The following LARP4 variants were observed in gnomAD, a reference collection of about 807,000 sequenced individuals.
LARP4 encodes the protein La ribonucleoprotein 4, also known as la-related protein 4.
A neutral mutation model predicts 92.9 loss-of-function variants in LARP4; 29 were observed. The observed-to-expected ratio is 0.31, with a 90% confidence interval of 0.23 to 0.43. The LOEUF is 0.43. LARP4 is among the 20% of genes least tolerant of loss of function. The pLI is 1.00. For synonymous variants in LARP4, 279 were observed against 284.1 expected (o/e 0.98, Z 0.18); for missense variants, 732 against 860.0 (o/e 0.85, Z 1.86).
intron 4 of LARP4, among the ~76,000 whole-genome samples, chr12:50,432,860 CAAAAAAAAA>C (rs10660517): frequency 2.4e-5 from 3 of 124,452 alleles, no homozygotes; most frequent in African/African-American, 6.3e-5. Context: ...GACTTCGTTT[CAAAAAAAAA>C]AAAAAAAAGA....
At chr12:50,432,124 C>T (rs975533452) in intron 4 of LARP4, among the ~76,000 whole-genome samples, 2 of 152,102 alleles carry the variant, frequency 1.3e-5, no homozygotes, top group Non-Finnish European at 2.9e-5. Context: ...TGAATTTTAC[C>T]TACTAACTAG....
chr12:50,462,547 A>T, intron 11 of LARP4, 35 bp from the exon 12 acceptor site: 1 of 665,050 alleles, frequency 1.5e-6, no homozygotes, highest in Non-Finnish European at 2.7e-6. Flanking sequence ...TTGTCCCTCC[A>T]CCCCACCCCA....
At chr12:50,471,564 C>T (rs374980173) in intron 13 of LARP4, among the ~76,000 whole-genome samples, 128 of 152,282 alleles carry the variant, frequency 8.4e-4, no homozygotes, top group African/African-American at 2.6e-3. Flanking sequence ...CGCTCTGTCG[C>T]GCAGGCTGGA....
chr12:50,462,608 G>T lies in LARP4; in HGVS notation c.1361G>T (p.Arg454Leu), dbSNP rs375470659. ...AGAACTCTCTTCAGAGGTCGAAGAC[G>T]ACGAGAAGATGACAGGATCTCAGTA... The part of the protein sequence containing the change: ...GRRTLFRGRR[R>L]REDDRISRPH... The change falls in exon 12 of 16, where the codon CGA (arginine) becomes CTA (leucine). Residue 454 changes from arginine (R) to leucine (L), a missense_variant. Arg to Leu is a moderately radical substitution (Grantham distance 102, BLOSUM62 -2). This residue lies in a region of LARP4 where 264 missense variants were observed against 269.5 expected (regional missense o/e 0.98). Coordinates refer to ENST00000398473, the MANE Select transcript of LARP4 (RefSeq NM_052879.5). The T allele has an allele frequency of 1.5e-6, 2 of 1,327,016 alleles. No homozygotes were observed. The highest frequency in any genetic ancestry group is 9.2e-5 in the East Asian group (2 of 21,638). The allele number at this position is 1,327,016 out of a possible 1,614,324, so 82.2% of individuals were successfully genotyped here. A position where few individuals can be genotyped will look rare whatever the true frequency, so the allele number is the denominator to read the frequency against.
rs111378157 is a variant in LARP4 at position 50,431,172 on chromosome 12, G to A, written c.398+602G>A. On this transcript the variant is annotated intron_variant, in intron 4 of 15. Coordinates refer to ENST00000398473, the MANE Select transcript of LARP4 (RefSeq NM_052879.5). ...AATCCCAGCTACTTGGGAGGCTGAG[G>A]CAGGAGAATCACTTGAACCCCGGAG... is the stretch of plus-strand genomic sequence containing the variant. 7.2e-3 allele frequency among the ~76,000 whole-genome samples: 1,092 copies of A among 152,214 alleles called. 10 individuals carry two copies. The highest frequency in any genetic ancestry group is 0.025 in the African/African-American group (1,034 of 41,562).
intron 1 of LARP4, among the ~76,000 whole-genome samples, chr12:50,411,544 G>T (rs1945899156): frequency 6.6e-6 from 1 of 151,922 alleles, no homozygotes; most frequent in African/African-American, 2.4e-5. Context: ...GGCCAGGCTG[G>T]TTTTGAACTC....
chr12:50,441,710 A>G, intron 8 of LARP4, 67 bp downstream of exon 8: 2 of 1,187,436 alleles, frequency 1.7e-6, no homozygotes. Context: ...TTTAAAAAAT[A>G]CAGACAGATA....
At chr12:50,465,014 T>C (rs766167012) in intron 12 of LARP4, among the ~76,000 whole-genome samples, 16 of 151,048 alleles carry the variant, frequency 1.1e-4, no homozygotes, top group Admixed American at 2.0e-4. Context: ...TAGCATTCCA[T>C]AGTAGCAGTC....
rs71083569 is a variant in LARP4 at position 50,435,481 on chromosome 12, T to TATTC, written c.399-7_399-6insATTC. The TATTC allele has an allele frequency of 2.6e-5, 35 of 1,370,378 alleles. No individual in the cohort carries two copies. The African/African-American group carries it at 4.1e-4, about 16-fold the overall frequency. The allele number at this position is 1,370,378 out of a possible 1,614,324, so 84.9% of individuals were successfully genotyped here. On this transcript the variant is annotated splice_polypyrimidine_tract_variant and splice_region_variant and intron_variant, in intron 4 of 15. Transcript: ENST00000398473. ...GCTTGTTTTATAGGACTATTTTGTTTTTTCAGAGAAAATTTGTCAAAGGAT... is the reference window on the plus strand; with the variant it reads ...GCTTGTTTTATAGGACTATTTTGTTTATTCTTTCAGAGAAAATTTGTCAAAGGAT...
At chr12:50,472,990 T>G (rs1400363369) in intron 13 of LARP4, among the ~76,000 whole-genome samples, 1 of 151,828 alleles carries the variant, frequency 6.6e-6, no homozygotes, top group Non-Finnish European at 1.5e-5. Flanking sequence ...GCCCAGCTAA[T>G]TTTTGTATTT....
chr12:50,447,672 G>A (rs1442095542), intron 8 of LARP4, among the ~76,000 whole-genome samples: 1 of 151,960 alleles, frequency 6.6e-6, no homozygotes, highest in African/African-American at 2.4e-5. Context: ...TGAACTCCTG[G>A]GCTCAAGGGA....
intron 6 of LARP4, among the ~76,000 whole-genome samples, 184 bp downstream of exon 6, chr12:50,438,022 G>C (rs1369810194): frequency 1.3e-5 from 2 of 152,156 alleles, no homozygotes; most frequent in East Asian, 3.8e-4. Context: ...GAAGTACTAG[G>C]ATGGTATAGA....
intron 1 of LARP4, chr12:50,402,589 A>G (rs1445847484): frequency 3.8e-6 from 1 of 263,944 alleles, no homozygotes; most frequent in Non-Finnish European, 7.6e-6. Flanking sequence ...TGGCTTTATT[A>G]AAATGTAAGT....
At chr12:50,473,587 C>G in intron 14 of LARP4, 51 bp downstream of exon 14, 1 of 1,574,672 alleles carries the variant, frequency 6.4e-7, no homozygotes, top group South Asian at 1.1e-5. Flanking sequence ...TTTTTCTGGC[C>G]GGGTGTGGTG....
intron 10 of LARP4, among the ~76,000 whole-genome samples, chr12:50,460,898 T>G (rs1350596344): frequency 6.7e-6 from 1 of 150,334 alleles, no homozygotes; most frequent in Admixed American, 6.6e-5. Context: ...AGCTGAGATG[T>G]GCCACTGCGC....
In LARP4 at chr12:50,435,549, A is replaced by G. The variant is rs1392065755; in HGVS notation, c.460A>G (p.Ile154Val). 3.7e-6 allele frequency: 6 copies of G among 1,600,346 alleles called. No individual in the cohort carries two copies. Among genetic ancestry groups the G allele is most frequent in the African/African-American group, 1.3e-5 (1 of 74,856 alleles). Residue 154 changes from isoleucine (I) to valine (V), a missense_variant, in exon 5 of 16, where the codon ATT (isoleucine) becomes GTT (valine). By Grantham distance (29) the Ile-to-Val change is conservative (BLOSUM62 3). Around this residue, in one of 7 missense-constraint regions of LARP4, gnomAD observed 236 missense variants for 307.6 expected, o/e 0.77. Transcript: ENST00000398473. ...AATGGATAGTGATCAGTTCATCCCA[A>G]TTTGGACAGTTGCCAACATGGAAGA... ...SQMDSDQFIP[I>V]WTVANMEEIK...
chr12:50,467,966 A>G (rs1956379488), intron 13 of LARP4, among the ~76,000 whole-genome samples: 1 of 151,452 alleles, frequency 6.6e-6, no homozygotes. Context: ...TTATTCCTGT[A>G]TTTCTTTATT....
Position 50,428,973 on chromosome 12 carries a change from G to A in LARP4, c.205G>A (p.Glu69Lys). 6.2e-7 allele frequency: 1 copy of A among 1,602,968 alleles called. No homozygotes were observed. The highest frequency in any genetic ancestry group is 8.5e-7 in the Non-Finnish European group (1 of 1,171,846). ...ELSEDICKEY[E>K]VMYSSSCETT... ...CTCAGAAGATATATGTAAAGAATATGAAGTAATGTATTCTTCATCTTGTGA... is the reference window on the plus strand; with the variant it reads ...CTCAGAAGATATATGTAAAGAATATAAAGTAATGTATTCTTCATCTTGTGA... Residue 69 changes from glutamate to lysine, a missense_variant, in exon 3 of 16, where the codon GAA (glutamate) becomes AAA (lysine). Physicochemically the swap from Glu to Lys is moderately conservative, Grantham distance 56. This residue lies in a region of LARP4 where 236 missense variants were observed against 307.6 expected (regional missense o/e 0.77). Transcript: ENST00000398473.
intron 4 of LARP4, among the ~76,000 whole-genome samples, chr12:50,431,827 A>T (rs1949702528): frequency 6.6e-6 from 1 of 151,948 alleles, no homozygotes; most frequent in African/African-American, 2.4e-5. Context: ...CTGGGCGGCA[A>T]GAGCGAAATT....
Sources: allele counts gnomAD v4.1 joint callset (sites outside exome capture counted in the v4.1 genomes callset), GRCh38; gene constraint gnomAD v4.1.1; regional missense constraint gnomAD v4.1.1; transcripts MANE v1.5; gene names NCBI Gene and HGNC (gene_info 2026-07-23, HGNC 2026-07-21).